The following ACACB variants were observed in gnomAD, a reference collection of about 807,000 sequenced individuals.
ACACB encodes the protein acetyl-CoA carboxylase beta.
In ACACB, 209 loss-of-function variants were observed where a neutral mutation model predicts 278.8. The ratio of observed to expected loss-of-function variants is 0.75; its 90% CI spans 0.67 to 0.84. The LOEUF is 0.84. Ranked by LOEUF, ACACB falls within the 40% of genes least tolerant of loss-of-function variation. The pLI, the probability that ACACB is intolerant of heterozygous loss-of-function variation, is 0.00. For synonymous variants in ACACB, 1,174 were observed against 1,285.6 expected (o/e 0.91, Z 1.86); for missense variants, 2,850 against 3,269.0 (o/e 0.87, Z 3.13).
At chr12:109,237,495 C>T in intron 34 of ACACB, 115 bp downstream of exon 34, 2 of 1,120,042 alleles carry the variant, frequency 1.8e-6, no homozygotes, top group South Asian at 3.0e-5. Flanking sequence ...ACACCAACAC[C>T]CAGGGTCCTG....
chr12:109,179,111 G>C lies in ACACB; in HGVS notation c.1461G>C (p.Ser487=). ...AGGTACAGAGTGAGATCCCAGGCTC[G>C]CCCATCTTTCTCATGAAGCTGGCCC... ...FRQVQSEIPG[S]PIFLMKLAQH... The change falls in exon 10 of 53, where the codon TCG becomes TCC. Residue 487 remains serine (S), a synonymous_variant. Transcript: ENST00000338432. The C allele has an allele frequency of 6.2e-7, 1 of 1,613,314 alleles. No homozygotes were observed. Among genetic ancestry groups the C allele is most frequent in the Non-Finnish European group, 8.5e-7 (1 of 1,179,708 alleles).
At chr12:109,222,686 G>A (rs965334559) in intron 25 of ACACB, 66 bp downstream of exon 25, 107 of 1,527,936 alleles carry the variant, frequency 7.0e-5, no homozygotes, top group Non-Finnish European at 8.6e-5. Flanking sequence ...GTCCCCTACC[G>A]TGCTCAGCCC....
intron 36 of ACACB, chr12:109,241,529 AT>A (rs1200066912): frequency 2.1e-6 from 1 of 480,626 alleles, no homozygotes; most frequent in African/African-American, 2.0e-5. Context: ...TGGATTTTTG[AT>A]AGAGACAAGG....
intron 28 of ACACB, among the ~76,000 whole-genome samples, chr12:109,229,018 G>A (rs1306546235): frequency 6.6e-6 from 1 of 151,888 alleles, no homozygotes; most frequent in Admixed American, 6.6e-5. Flanking sequence ...GAGTGCCAGT[G>A]GCACAATCTC....
intron 28 of ACACB, among the ~76,000 whole-genome samples, chr12:109,230,189 G>A (rs1001641690): frequency 2.0e-5 from 3 of 152,182 alleles, no homozygotes; most frequent in African/African-American, 4.8e-5. Flanking sequence ...GTTTTAAGAA[G>A]AAAGATGCTG....
At chr12:109,235,195 T>C (rs2046599290) in intron 31 of ACACB, 118 bp from the exon 32 acceptor site, 1 of 844,432 alleles carries the variant, frequency 1.2e-6, no homozygotes, top group African/African-American at 1.7e-5. Context: ...TCTCTTATGA[T>C]TGACATCTTC....
intron 4 of ACACB, among the ~76,000 whole-genome samples, chr12:109,170,287 A>C (rs547839203): frequency 3.3e-4 from 50 of 149,924 alleles, no homozygotes; most frequent in African/African-American, 1.2e-3. Context: ...CTAGTCTTGA[A>C]CTCCTGACTT....
At position 109,167,948 on chromosome 12, in the gene ACACB, G is replaced by A. The variant is rs754737585; in HGVS notation, c.839G>A (p.Arg280His). Reference protein sequence around the residue: ...IAAVKCMRSIRRWAYEMFRNE... With the variant: ...IAAVKCMRSIHRWAYEMFRNE... ...GCCGTGAAGTGCATGCGCTCCATCC[G>A]CAGGTGGGCCTATGAGATGTTCCGC... Residue 280 changes from arginine to histidine, a missense_variant, in exon 4 of 53, where the codon CGC becomes CAC. This residue lies in a region of ACACB where 2,265 missense variants were observed against 2,561.3 expected (regional missense o/e 0.88). Coordinates refer to ENST00000338432, the MANE Select transcript of ACACB (RefSeq NM_001093.4). 16 of 1,613,712 alleles carry A rather than the reference G, an allele frequency of 9.9e-6. No individual in the cohort carries two copies. Among genetic ancestry groups the A allele is most frequent in the South Asian group, 3.3e-5 (3 of 91,088 alleles).
Position 109,258,251 on chromosome 12 carries a change from T to C in ACACB, c.6264-17T>C. ...GGGTGCTGCCCAGGGCCTGGCTCAC[T>C]GGTGCTCATTTTCCAGGCTTGGGGG... On this transcript the variant is annotated splice_polypyrimidine_tract_variant and intron_variant, in intron 45 of 52. Coordinates refer to ENST00000338432, the MANE Select transcript of ACACB (RefSeq NM_001093.4). 3 of 1,606,642 alleles carry C rather than the reference T, an allele frequency of 1.9e-6. No homozygotes were observed. Among genetic ancestry groups the C allele is most frequent in the Non-Finnish European group, 2.5e-6 (3 of 1,176,602 alleles).
chr12:109,212,813 A>C (rs937180681), intron 21 of ACACB, 23 bp from the exon 22 acceptor site: 1 of 1,602,438 alleles, frequency 6.2e-7, no homozygotes, highest in African/African-American at 1.3e-5. Flanking sequence ...CAGCAGTCAG[A>C]CCTGTCTTGT....
At chr12:109,253,261 C>A in intron 43 of ACACB, 103 bp downstream of exon 43, 1 of 1,257,334 alleles carries the variant, frequency 8.0e-7, no homozygotes, top group Non-Finnish European at 1.1e-6. Flanking sequence ...GGCTGAGGAG[C>A]AGGAAGCACT....
intron 1 of ACACB, among the ~76,000 whole-genome samples, chr12:109,138,602 C>T (rs114648228): frequency 0.012 from 1,783 of 151,840 alleles, 35 homozygotes; most frequent in African/African-American, 0.04. Context: ...TGGCTGGGCG[C>T]GGTGGGTCAC....
chr12:109,156,491 G>A (rs921201420), intron 2 of ACACB, among the ~76,000 whole-genome samples: 1 of 151,826 alleles, frequency 6.6e-6, no homozygotes, highest in Non-Finnish European at 1.5e-5. Context: ...TTGTGCTATT[G>A]CACTCCAGCC....
intron 13 of ACACB, chr12:109,191,364 C>T: frequency 2.7e-6 from 1 of 372,212 alleles, no homozygotes; most frequent in South Asian, 2.4e-5. Context: ...CAGGCGTCCT[C>T]CACCATGCTG....
intron 49 of ACACB, chr12:109,263,078 T>C (rs1354859406): frequency 6.6e-6 from 1 of 150,472 alleles, no homozygotes; most frequent in African/African-American, 2.4e-5. Context: ...GGCAAAATGT[T>C]CCTTTAGAAT....
chr12:109,162,288 C>T (rs753624106), intron 2 of ACACB, among the ~76,000 whole-genome samples: 5 of 151,978 alleles, frequency 3.3e-5, no homozygotes, highest in African/African-American at 7.2e-5. Flanking sequence ...GTAGCATTAA[C>T]CTTTTAGAAG....
chr12:109,219,075 T>G (rs1200100851), intron 24 of ACACB, among the ~76,000 whole-genome samples: 1 of 152,020 alleles, frequency 6.6e-6, no homozygotes, highest in Non-Finnish European at 1.5e-5. Context: ...CCTGGCAACT[T>G]TTTTTTGTAA....
chr12:109,199,512 G>C lies in ACACB; in HGVS notation c.2738G>C (p.Gly913Ala). Reference sequence around the variant, plus strand: ...CTGACACAGTACACAGTGGAGGATGGGGGCCACGTTGAGGCTGGGAGCAGC... The same window carrying C: ...CTGACACAGTACACAGTGGAGGATGCGGGCCACGTTGAGGCTGGGAGCAGC... ...GKLTQYTVED[G>A]GHVEAGSSYA... The change falls in exon 18 of 53, where the codon GGG (glycine) becomes GCG (alanine). Residue 913 changes from glycine (G) to alanine (A), a missense_variant. Physicochemically the swap from Gly to Ala is moderately conservative, Grantham distance 60. This residue lies in a region of ACACB where 2,265 missense variants were observed against 2,561.3 expected (regional missense o/e 0.88). Coordinates refer to ENST00000338432, the MANE Select transcript of ACACB (RefSeq NM_001093.4). The C allele has an allele frequency of 6.5e-7, 1 of 1,533,854 alleles. No homozygotes were observed. The highest frequency in any genetic ancestry group is 8.8e-7 in the Non-Finnish European group (1 of 1,138,328).
Position 109,258,200 on chromosome 12 carries a change from C to A in ACACB, c.6264-68C>A, listed in dbSNP as rs374348427. ...TCTCCTCCACGTGCCCTCACCCCCA[C>A]ACCCAGAGGTCCCCAAATGCACCTG... On this transcript the variant is annotated intron_variant, in intron 45 of 52. Transcript: ENST00000338432. 3 of 1,230,424 alleles carry A rather than the reference C, an allele frequency of 2.4e-6. No homozygotes were observed. The African/African-American group carries it at 4.5e-5, about 18-fold the overall frequency. 76.2% of individuals were successfully genotyped at this position (1,230,424 alleles called of 1,614,324 possible). A position where few individuals can be genotyped will look rare whatever the true frequency, so the allele number is the denominator to read the frequency against.
Sources: gnomAD v4.1 joint callset for allele counts (sites outside exome capture counted in the v4.1 genomes callset) on GRCh38, gnomAD v4.1.1 for gene constraint, gnomAD v4.1.1 regional missense constraint, MANE v1.5 for transcripts, NCBI Gene and HGNC (gene_info 2026-07-23, HGNC 2026-07-21) for gene names.